SMYD3: variants seen among roughly 807,000 people sequenced by gnomAD.
SMYD3 encodes SET and MYND domain containing 3, also known as histone-lysine N-methyltransferase SMYD3.
A neutral mutation model predicts 57.7 loss-of-function variants in SMYD3; 36 were observed. The observed-to-expected ratio is 0.62, with a 90% CI of 0.48 to 0.82. SMYD3 has a LOEUF of 0.82. SMYD3 is among the 40% of genes least tolerant of loss of function. The probability of loss-of-function intolerance (pLI) is 0.00; values close to 1 mark genes in which losing one functional copy is unlikely to be tolerated. For synonymous variants in SMYD3, 211 were observed against 195.0 expected (o/e 1.08, Z -0.68); for missense variants, 515 against 538.8 (o/e 0.96, Z 0.44).
intron 5 of SMYD3, among the ~76,000 whole-genome samples, chr1:246,140,630 G>A (rs2061738961): frequency 1.3e-5 from 2 of 151,884 alleles, no homozygotes; most frequent in South Asian, 4.2e-4. Flanking sequence ...TTATTTTTTA[G>A]AGATAGGGGT....
chr1:246,495,205 C>T (rs2068339373), intron 1 of SMYD3, among the ~76,000 whole-genome samples: 1 of 151,806 alleles, frequency 6.6e-6, no homozygotes, highest in Non-Finnish European at 1.5e-5. Context: ...AAAAATTAGC[C>T]AGGCGTGGTG....
chr1:246,248,636 C>CTTTTTTTTTTTTT (rs1178698803), intron 5 of SMYD3, among the ~76,000 whole-genome samples: 13 of 52,098 alleles, frequency 2.5e-4, no homozygotes, highest in African/African-American at 7.5e-4. Context: ...TCTGACTTTC[C>CTTTTTTTTTTTTT]TTTTTTTTTT....
intron 5 of SMYD3, among the ~76,000 whole-genome samples, chr1:246,274,543 T>C (rs2064291791): frequency 6.6e-6 from 1 of 152,194 alleles, no homozygotes; most frequent in Admixed American, 6.5e-5. Context: ...TAAATTATTA[T>C]ATATAACTAC....
chr1:246,109,152 A>G lies in SMYD3; in HGVS notation c.532-179215T>C, dbSNP rs530639531. ...TATCACAATGAATGACACGAAGAAT[A>G]TATTTGATAAAAATCTGATGAATGA... On this transcript the variant is annotated intron_variant, in intron 5 of 11. Coordinates refer to ENST00000490107, the MANE Select transcript of SMYD3 (RefSeq NM_001167740.2). Among the ~76,000 whole-genome samples, 93 of 152,038 alleles carry G rather than the reference A, an allele frequency of 6.1e-4. 1 individual carries two copies. The highest frequency in any genetic ancestry group is 6.1e-3 in the Admixed American group (93 of 15,292).
chr1:246,179,561 C>T (rs1024723371), intron 5 of SMYD3, among the ~76,000 whole-genome samples: 1 of 152,120 alleles, frequency 6.6e-6, no homozygotes, highest in East Asian at 1.9e-4. Flanking sequence ...CTGATTTATT[C>T]GGATTCACTA....
At chr1:246,113,630 C>A (rs1217607584) in intron 5 of SMYD3, 1 of 152,156 alleles carries the variant, frequency 6.6e-6, no homozygotes, top group African/African-American at 2.4e-5. Context: ...ATGGGAAAGC[C>A]GTAGTTTATC....
chr1:245,839,488 T>C (rs984667771), intron 10 of SMYD3, among the ~76,000 whole-genome samples: 3 of 152,258 alleles, frequency 2.0e-5, no homozygotes, highest in Non-Finnish European at 2.9e-5. Flanking sequence ...CTTTCTAACC[T>C]TTATTTTCAA....
At chr1:245,798,081 A>G (rs2047629833) in intron 10 of SMYD3, among the ~76,000 whole-genome samples, 1 of 143,378 alleles carries the variant, frequency 7.0e-6, no homozygotes, top group African/African-American at 2.9e-5. Flanking sequence ...GAAAGTAGAA[A>G]CATTCTTATT....
intron 2 of SMYD3, among the ~76,000 whole-genome samples, chr1:246,352,442 C>T (rs757421452): frequency 2.0e-5 from 3 of 152,144 alleles, no homozygotes; most frequent in East Asian, 1.9e-4. Context: ...TTTAATTTTG[C>T]GTAGTTTTGT....
intron 5 of SMYD3, among the ~76,000 whole-genome samples, chr1:246,073,573 C>T (rs1317616481): frequency 6.6e-6 from 1 of 151,976 alleles, no homozygotes; most frequent in Non-Finnish European, 1.5e-5. Context: ...AAAAATTAGC[C>T]GGGCATGATG....
chr1:246,354,443 G>A lies in SMYD3; in HGVS notation c.228+588C>T, dbSNP rs573309943. Among the ~76,000 whole-genome samples the A allele has an allele frequency of 2.0e-5, 3 of 152,190 alleles. No homozygotes were observed. The South Asian group carries it at 6.2e-4, about 32-fold the overall frequency. On this transcript the variant is annotated intron_variant, in intron 2 of 11. Coordinates refer to ENST00000490107, the MANE Select transcript of SMYD3 (RefSeq NM_001167740.2). Reference sequence around the variant, plus strand: ...GAATTTATCCTACTAATAATTTGGGGAAGTGTGCAAAATGTGCAAAACAGG... The same window carrying A: ...GAATTTATCCTACTAATAATTTGGGAAAGTGTGCAAAATGTGCAAAACAGG...
chr1:246,376,508 G>A (rs1404785491), intron 1 of SMYD3, among the ~76,000 whole-genome samples: 1 of 146,114 alleles, frequency 6.8e-6, no homozygotes, highest in East Asian at 2.3e-4. Flanking sequence ...GGAGAATGGT[G>A]TGAACCCAGG....
intron 5 of SMYD3, among the ~76,000 whole-genome samples, chr1:246,200,940 C>A (rs2062913826): frequency 6.6e-6 from 1 of 152,170 alleles, no homozygotes. Context: ...AACATTAAAT[C>A]CATGAAGTCT....
At chr1:246,332,106 C>T (rs1173828847) in intron 3 of SMYD3, among the ~76,000 whole-genome samples, 5 of 152,198 alleles carry the variant, frequency 3.3e-5, no homozygotes, top group African/African-American at 9.7e-5. Context: ...ACGAGTCACA[C>T]ATCTCTCATT....
At chr1:246,349,346 T>G (rs957075675) in intron 2 of SMYD3, among the ~76,000 whole-genome samples, 1 of 150,982 alleles carries the variant, frequency 6.6e-6, no homozygotes, top group African/African-American at 2.4e-5. Context: ...GGCTCAGGCC[T>G]GTAATCCCAG....
chr1:246,112,573 C>A (rs2061263202), intron 5 of SMYD3, among the ~76,000 whole-genome samples: 1 of 152,086 alleles, frequency 6.6e-6, no homozygotes, highest in Non-Finnish European at 1.5e-5. Flanking sequence ...CTAAATGGAT[C>A]CAATTTTTCC....
At chr1:245,947,469 A>G (rs949345337) in intron 5 of SMYD3, 2 of 454,734 alleles carry the variant, frequency 4.4e-6, no homozygotes, top group Non-Finnish European at 8.9e-6. Context: ...ACCCCATGTC[A>G]CCGTATTTTA....
intron 5 of SMYD3, among the ~76,000 whole-genome samples, chr1:246,219,132 C>A (rs562489637): frequency 1.3e-5 from 2 of 152,246 alleles, no homozygotes; most frequent in Non-Finnish European, 2.9e-5. Flanking sequence ...TGGTCCCCAA[C>A]AAAACCCCAC....
At chr1:245,913,359 T>C (rs1362253234) in intron 8 of SMYD3, among the ~76,000 whole-genome samples, 6 of 134,840 alleles carry the variant, frequency 4.4e-5, no homozygotes, top group Non-Finnish European at 6.5e-5. Context: ...CCGGGGCCTG[T>C]TGTGGTGTGG....
Sources: allele counts gnomAD v4.1 joint callset (sites outside exome capture counted in the v4.1 genomes callset), GRCh38; gene constraint gnomAD v4.1.1; transcripts MANE v1.5; gene names NCBI Gene and HGNC (gene_info 2026-07-23, HGNC 2026-07-21).